The following MORN1 variants were observed in gnomAD, a reference collection of about 807,000 sequenced individuals.
MORN1 encodes MORN repeat containing 1, also known as MORN repeat-containing protein 1.
MORN1 carries 67 observed loss-of-function variants against 61.9 expected under a neutral mutation model. The ratio of observed to expected loss-of-function variants is 1.08; its 90% CI spans 0.89 to 1.33. The LOEUF (loss-of-function observed/expected upper bound fraction) is 1.33. Among genes scored for constraint, MORN1 ranks in the 40% most tolerant of loss-of-function variants. The pLI is 0.00. For missense variants in MORN1, 752 were observed against 691.2 expected, an observed-to-expected ratio of 1.09 and a Z score of -0.99; for synonymous variants, 301 against 292.0, an observed-to-expected ratio of 1.03 and a Z score of -0.31.
Position 2,339,558 on chromosome 1 carries a change from A to T in MORN1, c.1037-2708T>A, listed in dbSNP as rs552266669. On this transcript the variant is annotated intron_variant, in intron 10 of 13. Transcript: ENST00000378531. ...ACCCACAATTTCTGCAGCTGCAGCA[A>T]CAAGGCTGACATCAAAGCTGCCTTC... is the stretch of plus-strand genomic sequence containing the variant. Among the ~76,000 whole-genome samples, 3 of 152,276 alleles carry T rather than the reference A, an allele frequency of 2.0e-5. No homozygotes were observed. The South Asian group carries it at 6.2e-4, about 32-fold the overall frequency.
chr1:2,355,454 G>A, intron 10 of MORN1: 1 of 1,550,536 alleles, frequency 6.4e-7, no homozygotes, highest in Non-Finnish European at 8.7e-7. Flanking sequence ...GATCCTAGAA[G>A]AGTGAGCTCC....
rs575333682 is a variant in MORN1, at chr1:2,327,315, GACACAGAAAC to G, written c.1251-3182_1251-3173del. 5.5e-5 allele frequency among the ~76,000 whole-genome samples: 8 copies of G among 144,944 alleles called. No individual in the cohort carries two copies. In the East Asian group the frequency reaches 8.1e-4, roughly 15 times the overall value. ...ACAGAAACACAGAAACAAACACAGA[GACACAGAAAC>G]ACACAGAAACACACAGACAGAAACA... On this transcript the variant is annotated intron_variant, in intron 12 of 13. Transcript: ENST00000378531.
At chr1:2,335,859 C>T (rs1002487276) in intron 12 of MORN1, among the ~76,000 whole-genome samples, 2 of 138,988 alleles carry the variant, frequency 1.4e-5, no homozygotes, top group African/African-American at 6.9e-5. Context: ...GCAGCTGCCC[C>T]CAATTTGTAG....
chr1:2,337,312 C>T lies in MORN1; in HGVS notation c.1037-462G>A, dbSNP rs535590254. On this transcript the variant is annotated intron_variant, in intron 10 of 13. Coordinates refer to ENST00000378531, the MANE Select transcript of MORN1 (RefSeq NM_024848.3). This position sits in a 1 kb window ranked among gnomAD's most constrained non-coding sequence, Gnocchi z 5.7. ...CAGCGGCCCATCAAGATGGACCTGG[C>T]GTCAGGACCCGTTCTCCACAGGCGT... Among the ~76,000 whole-genome samples the T allele has an allele frequency of 3.9e-4, 60 of 152,276 alleles. No individual in the cohort carries two copies. The highest frequency in any genetic ancestry group is 1.4e-3 in the African/African-American group (57 of 41,558).
chr1:2,355,564 G>A, intron 10 of MORN1: 1 of 1,344,598 alleles, frequency 7.4e-7, no homozygotes, highest in South Asian at 1.3e-5. Context: ...AGGTGGCCCT[G>A]GTGGCGGAGG....
At chr1:2,321,986 A>T in intron 13 of MORN1, 10 of 905,020 alleles carry the variant, frequency 1.1e-5, no homozygotes, top group Non-Finnish European at 1.2e-5. Context: ...GAGAAAAATA[A>T]TTCATTCCCT....
intron 6 of MORN1, chr1:2,378,863 C>T (rs1484581431): frequency 1.3e-5 from 6 of 446,924 alleles, no homozygotes; most frequent in South Asian, 3.1e-5. Flanking sequence ...TGGGGGTGCT[C>T]GTGGCCCAGG....
At chr1:2,331,901 T>A in intron 12 of MORN1, among the ~76,000 whole-genome samples, 1 of 99,436 alleles carries the variant, frequency 1.0e-5, no homozygotes, top group African/African-American at 4.0e-5. Context: ...CGCCTCTCCC[T>A]CGTGCGCCTC....
At chr1:2,384,278 A>G (rs2843127) in intron 6 of MORN1, among the ~76,000 whole-genome samples, 86,476 of 151,968 alleles carry the variant, frequency 0.57, 24,998 homozygotes, top group East Asian at 0.85. Context: ...CGCACATCCA[A>G]CCTGTCAACA....
At chr1:2,391,349 G>C (rs1642657430) in intron 1 of MORN1, 109 bp downstream of exon 1, 1 of 1,190,418 alleles carries the variant, frequency 8.4e-7, no homozygotes, top group African/African-American at 1.6e-5. Context: ...GCGGCACCTG[G>C]ACCTCTACTT....
At chr1:2,323,975 T>G (rs1640940386) in intron 13 of MORN1, 122 bp downstream of exon 13, 12 of 1,233,576 alleles carry the variant, frequency 9.7e-6, no homozygotes, top group Non-Finnish European at 1.2e-5. Context: ...CCCCACCCAC[T>G]GCCACCTACC....
intron 6 of MORN1, among the ~76,000 whole-genome samples, chr1:2,380,856 G>A (rs1018017329): frequency 5.9e-5 from 9 of 152,172 alleles, no homozygotes; most frequent in East Asian, 1.9e-4. Context: ...GTGCCTGGTC[G>A]ACAAAATGTT....
chr1:2,324,974 C>A (rs1220218734), intron 12 of MORN1, among the ~76,000 whole-genome samples: 1 of 69,464 alleles, frequency 1.4e-5, no homozygotes, highest in Non-Finnish European at 2.4e-5. Context: ...CGTGAGGAAG[C>A]TGGGCCCGGC....
chr1:2,376,969 ACT>A (rs1390236193), intron 6 of MORN1: 2 of 152,246 alleles, frequency 1.3e-5, no homozygotes, highest in Non-Finnish European at 2.9e-5. Flanking sequence ...AGACTGGGAC[ACT>A]GAGAGTCCTG....
intron 10 of MORN1, among the ~76,000 whole-genome samples, chr1:2,339,604 C>T (rs1008415892): frequency 6.6e-6 from 1 of 152,200 alleles, no homozygotes; most frequent in East Asian, 1.9e-4. Flanking sequence ...TGTACCTGGA[C>T]CCCCAAGGCT....
intron 6 of MORN1, chr1:2,375,729 CT>C (rs1279252679): frequency 6.6e-6 from 1 of 152,264 alleles, no homozygotes; most frequent in African/African-American, 2.4e-5. Flanking sequence ...GGGCAGCCAG[CT>C]CGGGGTGCCA....
intron 2 of MORN1, among the ~76,000 whole-genome samples, chr1:2,389,148 G>C: frequency 6.6e-6 from 1 of 151,172 alleles, no homozygotes; most frequent in East Asian, 1.9e-4. Flanking sequence ...AACAAAACTG[G>C]CAGAGAGCAG....
chr1:2,355,741 G>A (rs764449860), intron 10 of MORN1, among the ~76,000 whole-genome samples: 6 of 152,208 alleles, frequency 3.9e-5, no homozygotes, highest in Non-Finnish European at 8.8e-5. Flanking sequence ...GCCACACAGT[G>A]CCCGGGAGAA....
Position 2,321,337 on chromosome 1 carries a change from G to T in MORN1, c.*46C>A. On this transcript the variant is annotated 3_prime_UTR_variant, in exon 14 of 14. Coordinates refer to ENST00000378531, the MANE Select transcript of MORN1 (RefSeq NM_024848.3). ...GCAGAGTCACGCAAGCAGAGGCAGC[G>T]TTTCCTTCCATTCACACCGAGGTGG... The T allele has an allele frequency of 7.5e-7, 1 of 1,334,074 alleles. No individual in the cohort carries two copies. The highest frequency in any genetic ancestry group is 1.0e-6 in the Non-Finnish European group (1 of 997,968). The allele number at this position is 1,334,074 out of a possible 1,614,324, so 82.6% of individuals were successfully genotyped here. A position where few individuals can be genotyped will look rare whatever the true frequency, so the allele number is the denominator to read the frequency against.
Sources: allele counts gnomAD v4.1 joint callset (sites outside exome capture counted in the v4.1 genomes callset), GRCh38; gene constraint gnomAD v4.1.1; non-coding constraint Gnocchi (gnomAD v3.1); transcripts MANE v1.5; gene names NCBI Gene and HGNC (gene_info 2026-07-23, HGNC 2026-07-21).